Variants in COL11A1 observed in about 807,000 individuals in gnomAD.
The protein encoded by COL11A1 is collagen type XI alpha 1 chain, also known as collagen alpha-1(XI) chain.
Under a neutral mutation model 265.2 loss-of-function variants are expected in COL11A1, and 74 were observed. That is an observed-to-expected ratio of 0.28 (90% CI 0.23 to 0.34). The LOEUF is 0.34. Among genes scored for constraint, COL11A1 ranks in the 10% least tolerant of loss-of-function variants. COL11A1 has a pLI of 1.00. For missense variants in COL11A1, 2,165 were observed against 2,263.6 expected (o/e 0.96, Z 0.88); for synonymous variants, 816 against 727.6 (o/e 1.12, Z -1.96).
chr1:103,074,546 G>A (rs1382048647), intron 4 of COL11A1, 72 bp downstream of exon 4: 23 of 1,541,262 alleles, frequency 1.5e-5, no homozygotes, highest in Middle Eastern at 1.8e-4. Flanking sequence ...GCTATAAAGC[G>A]ATATTTTTAC....
At chr1:102,974,951 G>T in intron 35 of COL11A1, 68 bp from the exon 36 acceptor site, 1 of 1,178,708 alleles carries the variant, frequency 8.5e-7, no homozygotes. Context: ...ATACTTTGAG[G>T]TTTATTTACA....
chr1:102,908,441 A>G (rs1654250983), intron 54 of COL11A1, among the ~76,000 whole-genome samples: 1 of 152,144 alleles, frequency 6.6e-6, no homozygotes, highest in Admixed American at 6.5e-5. Flanking sequence ...TGTGATCAGA[A>G]TTTATGACTG....
chr1:103,047,024 T>C (rs1430414089), intron 4 of COL11A1, among the ~76,000 whole-genome samples: 1 of 152,196 alleles, frequency 6.6e-6, no homozygotes, highest in Non-Finnish European at 1.5e-5. Context: ...TAGTATAGTT[T>C]GAAGTCAGGT....
chr1:103,020,841 T>C (rs1458631511), intron 9 of COL11A1, among the ~76,000 whole-genome samples: 19 of 138,592 alleles, frequency 1.4e-4, no homozygotes, highest in African/African-American at 4.7e-4. Flanking sequence ...ATTTATTAAA[T>C]AGGGAATCCT....
rs541933572 is a variant in COL11A1 at position 102,979,409 on chromosome 1, T to A, written c.2583A>T (p.Pro861=). ...GTGCACCTTTCTCTCCATTGGCACC[T>A]GGAAACCCAGGGAATCCAGTGGAAC... ...PKGSTGFPGF[P]GANGEKGARG... is the part of the protein sequence containing the mutation. The change falls in exon 32 of 67, where the codon CCA becomes CCT. Residue 861 remains proline (P), a synonymous_variant. Transcript: ENST00000370096. 1.2e-6 allele frequency: 2 copies of A among 1,610,386 alleles called. No individual in the cohort carries two copies. The highest frequency in any genetic ancestry group is 2.2e-5 in the South Asian group (2 of 90,958).
intron 57 of COL11A1, among the ~76,000 whole-genome samples, chr1:102,895,965 C>T (rs990379033): frequency 1.3e-5 from 2 of 151,728 alleles, no homozygotes; most frequent in African/African-American, 4.8e-5. Context: ...TTACTTTCCA[C>T]TAAGAATATA....
intron 37 of COL11A1, among the ~76,000 whole-genome samples, chr1:102,967,280 G>A (rs1184808315): frequency 9.5e-6 from 1 of 105,538 alleles, no homozygotes; most frequent in Non-Finnish European, 1.7e-5. Flanking sequence ...TCGCTCTGTC[G>A]CCCAGGCTGG....
rs1460143136 is a variant in COL11A1 at position 103,014,535 on chromosome 1, A to C, written c.1548T>G (p.Ala516=). Residue 516 remains alanine (A), a synonymous_variant, in exon 13 of 67, where the codon GCT becomes GCG. Transcript: ENST00000370096. ...GPTISAQEAQ[A]QAILQQARIA... is the part of the protein sequence containing the mutation. ...CCCGAGCCTGCTGAAGAATAGCTTGAGCCTGAGCTTCCTGAGCAGAGATGG... is the reference window on the plus strand; with the variant it reads ...CCCGAGCCTGCTGAAGAATAGCTTGCGCCTGAGCTTCCTGAGCAGAGATGG... 3 of 1,613,644 alleles carry C rather than the reference A, an allele frequency of 1.9e-6. No homozygotes were observed. The Admixed American group carries it at 5.0e-5, about 27-fold the overall frequency.
chr1:102,995,488 C>A (rs958342333), intron 28 of COL11A1, among the ~76,000 whole-genome samples: 2 of 150,968 alleles, frequency 1.3e-5, no homozygotes, highest in Admixed American at 6.6e-5. Flanking sequence ...TTGGGGATTT[C>A]AGTAGGGAAA....
chr1:102,914,355 A>G lies in COL11A1; in HGVS notation c.3975T>C (p.Pro1325=), dbSNP rs767757935. 1 of 1,605,976 alleles carries G rather than the reference A, an allele frequency of 6.2e-7. No homozygotes were observed. The highest frequency in any genetic ancestry group is 8.5e-7 in the Non-Finnish European group (1 of 1,173,948). Residue 1325 remains proline, a synonymous_variant, in exon 52 of 67, where the codon CCT becomes CCC. Coordinates refer to ENST00000370096, the MANE Select transcript of COL11A1 (RefSeq NM_001854.4). ...GDPGPPGEPG[P]AGQDGVGGDK... Reference sequence around the variant, plus strand: ...TTGATTTTTCCCTGATACTTACTGCAGGGCCAGGTTCCCCAGGAGGACCAG... The same window carrying G: ...TTGATTTTTCCCTGATACTTACTGCGGGGCCAGGTTCCCCAGGAGGACCAG...
rs185578236 is a variant in COL11A1 at position 102,877,667 on chromosome 1, G to T, written c.*352C>A. 1 of 233,154 alleles carries T rather than the reference G, an allele frequency of 4.3e-6. No individual in the cohort carries two copies. Among genetic ancestry groups the T allele is most frequent in the Non-Finnish European group, 8.6e-6 (1 of 116,470 alleles). 14.4% of individuals were successfully genotyped at this position (233,154 alleles called of 1,614,324 possible). ...ACAATTTATTAAACACACTGTTTTAGTACATCCTGGATGGATGAGAATGAG... is the reference window on the plus strand; with the variant it reads ...ACAATTTATTAAACACACTGTTTTATTACATCCTGGATGGATGAGAATGAG... On this transcript the variant is annotated 3_prime_UTR_variant, in exon 67 of 67. Transcript: ENST00000370096.
rs749219588 is a variant in COL11A1, at chr1:103,003,278, A to G, written c.1945-10T>C. 6.2e-7 allele frequency: 1 copy of G among 1,612,426 alleles called. No homozygotes were observed. Among genetic ancestry groups the G allele is most frequent in the Admixed American group, 1.7e-5 (1 of 59,640 alleles). ...GCAAACCTCGTGGGCCCTAGGAGAA[A>G]AAGAAAAAGCACGCCTTTATTAAAA... On this transcript the variant is annotated splice_polypyrimidine_tract_variant and intron_variant, in intron 20 of 66. Coordinates refer to ENST00000370096, the MANE Select transcript of COL11A1 (RefSeq NM_001854.4).
intron 28 of COL11A1, among the ~76,000 whole-genome samples, chr1:102,994,230 A>C (rs751853724): frequency 2.0e-4 from 30 of 152,094 alleles, no homozygotes; most frequent in Non-Finnish European, 3.5e-4. Context: ...TATAATTTGG[A>C]TATTTACCCA....
intron 57 of COL11A1, among the ~76,000 whole-genome samples, chr1:102,894,009 TACTA>T (rs1652082075): frequency 6.6e-6 from 1 of 152,302 alleles, no homozygotes; most frequent in East Asian, 1.9e-4. Context: ...TGTGTGATAA[TACTA>T]AATAATCTTT....
In COL11A1 at chr1:102,946,571, C is replaced by CT. The variant is rs199950003; in HGVS notation, c.3276+277dup. 5.4e-3 allele frequency among the ~76,000 whole-genome samples: 792 copies of CT among 147,332 alleles called. 4 individuals are homozygous for CT. The highest frequency in any genetic ancestry group is 0.015 in the South Asian group (71 of 4,648). ...TATAGCTTCAATAAAAAACTCACAA[C>CT]TTTTTTTTTTTAAAAAAAGCAAAAT... On this transcript the variant is annotated intron_variant, in intron 42 of 66. Coordinates refer to ENST00000370096, the MANE Select transcript of COL11A1 (RefSeq NM_001854.4).
intron 46 of COL11A1, among the ~76,000 whole-genome samples, chr1:102,929,250 T>C (rs999693199): frequency 4.6e-5 from 7 of 150,572 alleles, no homozygotes; most frequent in African/African-American, 1.7e-4. Context: ...CTTTAATCCA[T>C]CTTGAATTGA....
At chr1:102,912,037 T>C in intron 54 of COL11A1, 122 bp downstream of exon 54, 1 of 822,020 alleles carries the variant, frequency 1.2e-6, no homozygotes, top group South Asian at 1.8e-5. Context: ...AAATTGTTTT[T>C]AGGATTTATG....
chr1:102,878,935 T>C (rs1649890014), intron 66 of COL11A1, among the ~76,000 whole-genome samples: 1 of 152,180 alleles, frequency 6.6e-6, no homozygotes, highest in Non-Finnish European at 1.5e-5. Flanking sequence ...AAAAATTTCT[T>C]CTGCTATATG....
intron 31 of COL11A1, among the ~76,000 whole-genome samples, chr1:102,982,766 A>G (rs1343034569): frequency 1.3e-5 from 2 of 152,112 alleles, no homozygotes; most frequent in Non-Finnish European, 2.9e-5. Flanking sequence ...AGCCTAAGAC[A>G]GTGTTATCAC....
Sources: allele counts gnomAD v4.1 joint callset (sites outside exome capture counted in the v4.1 genomes callset), GRCh38; gene constraint gnomAD v4.1.1; transcripts MANE v1.5; gene names NCBI Gene and HGNC (gene_info 2026-07-23, HGNC 2026-07-21).